Variants in ARHGAP6 observed in about 807,000 individuals in gnomAD.
ARHGAP6 encodes the protein Rho GTPase activating protein 6, also known as rho GTPase-activating protein 6.
In ARHGAP6, 16 loss-of-function variants were observed where a neutral mutation model predicts 55.7. The ratio of observed to expected loss-of-function variants is 0.29; its 90% confidence interval spans 0.19 to 0.44. The LOEUF is 0.44. ARHGAP6 is among the 20% of genes least tolerant of loss of function. The pLI, the probability that ARHGAP6 is intolerant of heterozygous loss-of-function variation, is 1.00. For synonymous variants in ARHGAP6, 382 were observed against 360.9 expected (o/e 1.06, Z -0.66); for missense variants, 698 against 808.9 (o/e 0.86, Z 1.66).
At position 11,188,854 on chromosome X, in the gene ARHGAP6, T is replaced by C. The variant is rs759569453; in HGVS notation, c.951A>G (p.Pro317=). 1.7e-6 allele frequency: 2 copies of C among 1,209,466 alleles called. No individual in the cohort carries two copies. Among genetic ancestry groups the C allele is most frequent in the Non-Finnish European group, 2.2e-6 (2 of 895,217 alleles). Residue 317 remains proline (P), a synonymous_variant, in exon 4 of 13, where the codon CCA becomes CCG. Coordinates refer to ENST00000337414, the MANE Select transcript of ARHGAP6 (RefSeq NM_013427.3). ...CTTTGTTTTGTCTTTTATTTCCAAA[T>C]GGGAGGAGGGAAGCCACAAAGTCAG... ...DASDFVASLL[P]FGNKRQNKEL...
At chrX:11,315,729 C>T (rs2048353199) in intron 1 of ARHGAP6, among the ~76,000 whole-genome samples, 1 of 112,151 alleles carries the variant, frequency 8.9e-6, no homozygotes, top group South Asian at 3.7e-4. Flanking sequence ...GGATGCCACA[C>T]TCTTTTGAGT....
At chrX:11,209,791 G>A (rs774344942) in intron 2 of ARHGAP6, among the ~76,000 whole-genome samples, 1 of 111,971 alleles carries the variant, frequency 8.9e-6, no homozygotes, top group Admixed American at 9.5e-5. Context: ...TGAGTGGGGT[G>A]TATCTGTTAC....
chrX:11,294,926 G>C (rs2048056179), intron 1 of ARHGAP6: 6 of 1,013,172 alleles, frequency 5.9e-6, no homozygotes, highest in Non-Finnish European at 8.4e-6. Flanking sequence ...GTGAAATTAG[G>C]GTTTAAAACA....
intron 8 of ARHGAP6, 90 bp from the exon 9 acceptor site, chrX:11,169,774 T>C (rs1457903057): frequency 2.7e-5 from 5 of 188,477 alleles, no homozygotes; most frequent in African/African-American, 1.3e-4. Flanking sequence ...TTTACTCTCC[T>C]TTTTTTTTTT....
intron 10 of ARHGAP6, among the ~76,000 whole-genome samples, chrX:11,154,387 A>G (rs1403538264): frequency 1.8e-5 from 2 of 112,253 alleles, no homozygotes; most frequent in South Asian, 3.7e-4. Context: ...TGGGCTTAAT[A>G]TGTGTGCTTC....
intron 1 of ARHGAP6, among the ~76,000 whole-genome samples, chrX:11,277,842 G>C (rs2047798613): frequency 9.0e-6 from 1 of 111,398 alleles, no homozygotes; most frequent in South Asian, 3.7e-4. Context: ...TTAAAGTACA[G>C]TTCAGAGTTT....
chrX:11,373,520 A>T (rs894128612), intron 1 of ARHGAP6, among the ~76,000 whole-genome samples: 6 of 111,945 alleles, frequency 5.4e-5, no homozygotes, highest in African/African-American at 1.6e-4. Flanking sequence ...GAAAAACAGA[A>T]GGTCTGCATT....
intron 1 of ARHGAP6, among the ~76,000 whole-genome samples, chrX:11,646,345 G>A (rs2052526576): frequency 9.0e-6 from 1 of 111,472 alleles, no homozygotes; most frequent in Non-Finnish European, 1.9e-5. Flanking sequence ...CCCAGCATGA[G>A]AGACAAGGGC....
rs780024328 is a variant in ARHGAP6 at position 11,630,889 on chromosome X, C to T, written c.588+33352G>A. Among the ~76,000 whole-genome samples the T allele has an allele frequency of 2.7e-5, 3 of 111,395 alleles. No individual in the cohort carries two copies. The South Asian group carries it at 1.1e-3, about 42-fold the overall frequency. On this transcript the variant is annotated intron_variant, in intron 1 of 12. Coordinates refer to ENST00000337414, the MANE Select transcript of ARHGAP6 (RefSeq NM_013427.3). Reference sequence around the variant, plus strand: ...TATGAATAGCATCACCTTTTTTGTCCGATTTCCTCATCGCTAAAATTGAAA... The same window carrying T: ...TATGAATAGCATCACCTTTTTTGTCTGATTTCCTCATCGCTAAAATTGAAA...
intron 2 of ARHGAP6, among the ~76,000 whole-genome samples, chrX:11,204,783 G>T (rs1169160034): frequency 4.5e-5 from 5 of 111,552 alleles, no homozygotes; most frequent in Non-Finnish European, 9.4e-5. Flanking sequence ...TCCATTTGGT[G>T]GTTAAACCCT....
At chrX:11,493,426 T>TGC (rs1387642877) in intron 1 of ARHGAP6, among the ~76,000 whole-genome samples, 5 of 112,106 alleles carry the variant, frequency 4.5e-5, no homozygotes, top group African/African-American at 1.6e-4. Flanking sequence ...GCACTTTAAA[T>TGC]GCGTGGAGAG....
chrX:11,563,227 T>A (rs2051407168), intron 1 of ARHGAP6, among the ~76,000 whole-genome samples: 1 of 111,957 alleles, frequency 8.9e-6, no homozygotes, highest in Admixed American at 9.5e-5. Flanking sequence ...TCATTTGAAA[T>A]AAGTAATTTA....
chrX:11,314,793 G>C (rs776151074), intron 1 of ARHGAP6, among the ~76,000 whole-genome samples: 1 of 111,888 alleles, frequency 8.9e-6, no homozygotes, highest in East Asian at 2.8e-4. Flanking sequence ...TCAGAAGGTA[G>C]AGGGTGGGAG....
rs143243315 is a variant in ARHGAP6, at chrX:11,336,723, G to A, written c.589-82016C>T. Among the ~76,000 whole-genome samples, 627 of 111,443 alleles carry A rather than the reference G, an allele frequency of 5.6e-3. 3 individuals are homozygous for A. Among genetic ancestry groups the A allele is most frequent in the Middle Eastern group, 0.014 (3 of 216 alleles). On this transcript the variant is annotated intron_variant, in intron 1 of 12. Coordinates refer to ENST00000337414, the MANE Select transcript of ARHGAP6 (RefSeq NM_013427.3). ...TAAAAATGGCAATTTAAGATGTTTC[G>A]ATCCAAGAGATTTGGGAAAGAATTT...
At chrX:11,265,924 T>A in intron 1 of ARHGAP6, 2 of 956,040 alleles carry the variant, frequency 2.1e-6, no homozygotes, top group Non-Finnish European at 2.7e-6. Flanking sequence ...AAATATGCAA[T>A]CTTTTCATCG....
chrX:11,361,313 T>A (rs1162163839), intron 1 of ARHGAP6, among the ~76,000 whole-genome samples: 5 of 109,522 alleles, frequency 4.6e-5, no homozygotes, highest in Non-Finnish European at 7.6e-5. Flanking sequence ...GAGATATAGA[T>A]CAATGGAATA....
intron 1 of ARHGAP6, among the ~76,000 whole-genome samples, chrX:11,289,513 G>A (rs968879330): frequency 9.0e-6 from 1 of 111,710 alleles, no homozygotes; most frequent in Non-Finnish European, 1.9e-5. Context: ...AGGGAGAGCA[G>A]GGAGGGAGGG....
chrX:11,596,246 A>G (rs1252128173), intron 1 of ARHGAP6, among the ~76,000 whole-genome samples: 2 of 112,328 alleles, frequency 1.8e-5, no homozygotes, highest in African/African-American at 6.5e-5. Context: ...GCAGTCATAA[A>G]AAAACGATGA....
chrX:11,327,406 T>A (rs1177803830), intron 1 of ARHGAP6, among the ~76,000 whole-genome samples: 1 of 112,713 alleles, frequency 8.9e-6, no homozygotes, highest in Non-Finnish European at 1.9e-5. Context: ...TCAATCAGAT[T>A]GTTTTGTTCT....
Sources: gnomAD v4.1 joint callset for allele counts (sites outside exome capture counted in the v4.1 genomes callset) on GRCh38, gnomAD v4.1.1 for gene constraint, MANE v1.5 for transcripts, NCBI Gene and HGNC (gene_info 2026-07-23, HGNC 2026-07-21) for gene names.